Variants in DENND1A observed in about 807,000 individuals in gnomAD.
DENND1A encodes the protein DENN domain containing 1A.
DENND1A carries 51 observed loss-of-function variants against 113.7 expected under a neutral mutation model. The observed-to-expected ratio is 0.45, with a 90% CI of 0.36 to 0.57. The LOEUF (loss-of-function observed/expected upper bound fraction) is 0.57. Among genes scored for constraint, DENND1A ranks in the 20% least tolerant of loss-of-function variants. The pLI, the probability that DENND1A is intolerant of heterozygous loss-of-function variation, is 0.00. For synonymous variants in DENND1A, 565 were observed against 570.8 expected (o/e 0.99, Z 0.14); for missense variants, 1,258 against 1,395.9 (o/e 0.90, Z 1.57).
intron 2 of DENND1A, among the ~76,000 whole-genome samples, chr9:123,800,576 T>G (rs929064166): frequency 6.6e-6 from 1 of 152,240 alleles, no homozygotes; most frequent in Non-Finnish European, 1.5e-5. Flanking sequence ...CCTGTTGATC[T>G]GTCTTCTAGT....
chr9:123,767,224 G>A (rs998993454), intron 4 of DENND1A, among the ~76,000 whole-genome samples: 1 of 152,028 alleles, frequency 6.6e-6, no homozygotes, highest in African/African-American at 2.4e-5. Context: ...AGTATACCAA[G>A]GTTAGAGGTG....
intron 13 of DENND1A, among the ~76,000 whole-genome samples, chr9:123,461,011 G>A (rs960445616): frequency 3.3e-5 from 5 of 152,164 alleles, no homozygotes; most frequent in Non-Finnish European, 7.3e-5. Flanking sequence ...ACCAGCAAAC[G>A]CACCCTCCCA....
intron 1 of DENND1A, among the ~76,000 whole-genome samples, chr9:123,921,245 G>T (rs530787154): frequency 7.2e-5 from 11 of 152,218 alleles, no homozygotes; most frequent in Non-Finnish European, 1.5e-4. Flanking sequence ...TCTCCACTGA[G>T]AACTAGGCAC....
chr9:123,398,301 G>C (rs903747479), intron 21 of DENND1A, among the ~76,000 whole-genome samples: 5 of 152,228 alleles, frequency 3.3e-5, no homozygotes, highest in African/African-American at 9.6e-5. Context: ...TCTGCACACA[G>C]TGTGCCATCA....
At chr9:123,853,703 G>T (rs1220411037) in intron 2 of DENND1A, among the ~76,000 whole-genome samples, 5 of 152,104 alleles carry the variant, frequency 3.3e-5, no homozygotes, top group African/African-American at 9.7e-5. Flanking sequence ...TAGCACTCAG[G>T]TTTTAGGAAA....
intron 2 of DENND1A, among the ~76,000 whole-genome samples, chr9:123,844,990 G>A (rs773364829): frequency 2.0e-5 from 3 of 152,206 alleles, no homozygotes; most frequent in Non-Finnish European, 4.4e-5. Flanking sequence ...AGGCTGAGGT[G>A]GACAGATCAC....
At chr9:123,514,086 GTGTGTGTGTGTATGTGTGTGTGTC>G (rs1376581365) in intron 13 of DENND1A, among the ~76,000 whole-genome samples, 45 of 80,716 alleles carry the variant, frequency 5.6e-4, no homozygotes, top group East Asian at 2.4e-3. Flanking sequence ...GTGTGTGTGT[GTGTGTGTGTGTATGTGTGTGTGTC>G]TGTGTGTGTG....
chr9:123,597,113 C>A (rs1360396759), intron 11 of DENND1A, among the ~76,000 whole-genome samples: 1 of 152,158 alleles, frequency 6.6e-6, no homozygotes, highest in Non-Finnish European at 1.5e-5. Flanking sequence ...ACACAACTGC[C>A]ACTTGCCATC....
At chr9:123,904,885 A>G (rs952866287) in intron 1 of DENND1A, among the ~76,000 whole-genome samples, 13 of 152,180 alleles carry the variant, frequency 8.5e-5, no homozygotes, top group Admixed American at 7.2e-4. Context: ...TGAGAAGAGC[A>G]ACTCCAAGAC....
chr9:123,643,153 A>G (rs7856699), intron 9 of DENND1A, among the ~76,000 whole-genome samples: 7,206 of 151,952 alleles, frequency 0.047, 548 homozygotes, highest in African/African-American at 0.17. Flanking sequence ...ATCACCCACC[A>G]CTCCTCAGGC....
At chr9:123,877,752 G>T (rs1367900381) in intron 2 of DENND1A, among the ~76,000 whole-genome samples, 1 of 151,760 alleles carries the variant, frequency 6.6e-6, no homozygotes, top group Non-Finnish European at 1.5e-5. Context: ...GACCCAGGAG[G>T]CGGAAGCTGC....
intron 13 of DENND1A, among the ~76,000 whole-genome samples, chr9:123,480,517 C>T (rs2050250279): frequency 1.3e-5 from 2 of 152,298 alleles, no homozygotes; most frequent in African/African-American, 2.4e-5. Context: ...GAATAGAATG[C>T]CTCTTCCTCC....
chr9:123,592,861 C>T (rs961202733), intron 11 of DENND1A, among the ~76,000 whole-genome samples: 4 of 152,066 alleles, frequency 2.6e-5, no homozygotes, highest in African/African-American at 9.7e-5. Flanking sequence ...AAAATGTTTA[C>T]CACACACACA....
chr9:123,474,952 G>GT (rs1275166748), intron 13 of DENND1A, among the ~76,000 whole-genome samples: 1 of 152,234 alleles, frequency 6.6e-6, no homozygotes, highest in African/African-American at 2.4e-5. Context: ...CCGAGCCTCA[G>GT]TTTCCTTTTC....
At chr9:123,493,680 T>G (rs900992697) in intron 13 of DENND1A, among the ~76,000 whole-genome samples, 2 of 152,180 alleles carry the variant, frequency 1.3e-5, no homozygotes, top group Non-Finnish European at 2.9e-5. Context: ...GGATCTGATT[T>G]CTGGGGGTCA....
At chr9:123,417,488 A>ACCCAG in intron 19 of DENND1A, among the ~76,000 whole-genome samples, 1 of 152,232 alleles carries the variant, frequency 6.6e-6, no homozygotes. Flanking sequence ...CAGAGAGGTT[A>ACCCAG]AGGGACTAGT....
At chr9:123,668,771 C>G (rs763966993) in intron 7 of DENND1A, among the ~76,000 whole-genome samples, 5 of 152,162 alleles carry the variant, frequency 3.3e-5, no homozygotes, top group Non-Finnish European at 7.3e-5. Context: ...GTGTGTATAT[C>G]AAAATACTAC....
intron 2 of DENND1A, among the ~76,000 whole-genome samples, chr9:123,850,561 G>A (rs867205955): frequency 6.6e-6 from 1 of 152,126 alleles, no homozygotes; most frequent in Non-Finnish European, 1.5e-5. Context: ...CAATATCTCT[G>A]AGGTATGCCT....
intron 3 of DENND1A, among the ~76,000 whole-genome samples, chr9:123,792,316 T>C (rs1398849079): frequency 6.6e-6 from 1 of 152,228 alleles, no homozygotes; most frequent in Non-Finnish European, 1.5e-5. Flanking sequence ...GTGTAGACTG[T>C]AGCAAACCTC....
Sources: allele counts gnomAD v4.1 joint callset (sites outside exome capture counted in the v4.1 genomes callset), GRCh38; gene constraint gnomAD v4.1.1; transcripts MANE v1.5; gene names NCBI Gene and HGNC (gene_info 2026-07-23, HGNC 2026-07-21).